NCOA7: variants seen among roughly 807,000 people sequenced by gnomAD.
The protein encoded by NCOA7 is nuclear receptor coactivator 7, also known as 140 kDa estrogen receptor-associated protein.
A neutral mutation model predicts 104.3 loss-of-function variants in NCOA7; 45 were observed. That is an observed-to-expected ratio of 0.43 (90% confidence interval 0.34 to 0.55). The LOEUF is 0.55. NCOA7 is among the 20% of genes least tolerant of loss of function. The pLI is 0.02. For missense variants in NCOA7, 1,041 were observed against 1,119.7 expected, an observed-to-expected ratio of 0.93 and a Z score of 1.00; for synonymous variants, 398 against 402.3, an observed-to-expected ratio of 0.99 and a Z score of 0.13.
chr6:125,905,852 G>A (rs1785947885), intron 10 of NCOA7, among the ~76,000 whole-genome samples: 1 of 152,146 alleles, frequency 6.6e-6, no homozygotes, highest in Non-Finnish European at 1.5e-5. Context: ...CCAGGCTGGA[G>A]TGCAGTGGCA....
intron 5 of NCOA7, among the ~76,000 whole-genome samples, chr6:125,879,440 G>A (rs1783639548): frequency 6.6e-6 from 1 of 152,066 alleles, no homozygotes; most frequent in Non-Finnish European, 1.5e-5. Flanking sequence ...CACTTTTATG[G>A]CCCACTTCTT....
chr6:125,884,872 A>G (rs1784131826), intron 7 of NCOA7, among the ~76,000 whole-genome samples: 1 of 152,210 alleles, frequency 6.6e-6, no homozygotes, highest in Non-Finnish European at 1.5e-5. Context: ...TGAGACGTGC[A>G]TGTGAGAACC....
At chr6:125,797,353 T>G (rs1192008956) in intron 1 of NCOA7, among the ~76,000 whole-genome samples, 1 of 152,214 alleles carries the variant, frequency 6.6e-6, no homozygotes, top group Non-Finnish European at 1.5e-5. Context: ...GTACCTGGCA[T>G]GAGGTAATTT....
chr6:125,921,690 C>G (rs937029558), intron 12 of NCOA7, among the ~76,000 whole-genome samples: 1 of 152,152 alleles, frequency 6.6e-6, no homozygotes, highest in South Asian at 2.1e-4. Context: ...AAAAAGGATC[C>G]AAATTTATCC....
intron 10 of NCOA7, among the ~76,000 whole-genome samples, chr6:125,896,463 C>T (rs915243980): frequency 1.3e-5 from 2 of 152,028 alleles, no homozygotes; most frequent in African/African-American, 2.4e-5. Flanking sequence ...CAATTGAGGC[C>T]GGAGAGTTTT....
intron 2 of NCOA7, among the ~76,000 whole-genome samples, chr6:125,848,593 T>A (rs902067450): frequency 3.3e-5 from 5 of 152,112 alleles, no homozygotes; most frequent in Middle Eastern, 3.4e-3. Context: ...AGGTGGGAAT[T>A]GAACGATGAG....
intron 10 of NCOA7, among the ~76,000 whole-genome samples, chr6:125,896,414 G>A (rs911161916): frequency 3.9e-5 from 6 of 152,168 alleles, no homozygotes; most frequent in African/African-American, 1.4e-4. Context: ...AGGTGAGTGA[G>A]CACTTTTTAT....
chr6:125,892,482 C>T (rs1784696112), intron 10 of NCOA7, among the ~76,000 whole-genome samples: 1 of 152,014 alleles, frequency 6.6e-6, no homozygotes, highest in South Asian at 2.1e-4. Context: ...ACCAGCCTGG[C>T]CAACATGGTG....
At chr6:125,801,954 A>G (rs1183262203) in intron 1 of NCOA7, among the ~76,000 whole-genome samples, 1 of 152,204 alleles carries the variant, frequency 6.6e-6, no homozygotes, top group Non-Finnish European at 1.5e-5. Flanking sequence ...ACCATTACGT[A>G]TAGATATACC....
At chr6:125,908,938 T>G (rs747900301) in intron 10 of NCOA7, among the ~76,000 whole-genome samples, 1 of 152,256 alleles carries the variant, frequency 6.6e-6, no homozygotes, top group Non-Finnish European at 1.5e-5. Flanking sequence ...TGTGATTGAT[T>G]CTTCATTCCC....
upstream of NCOA7, chr6:125,790,712 G>C (rs1434060146): frequency 6.6e-6 from 1 of 152,104 alleles, no homozygotes; most frequent in Non-Finnish European, 1.5e-5. Context: ...ACAGCGTCGC[G>C]CCACCCGTGA....
In NCOA7 at chr6:125,815,374, A is replaced by G. The variant is rs1777492449; in HGVS notation, c.20A>G (p.Lys7Arg). 1.2e-6 allele frequency: 2 copies of G among 1,608,878 alleles called. No individual in the cohort carries two copies. The highest frequency in any genetic ancestry group is 1.7e-6 in the Non-Finnish European group (2 of 1,177,662). ...TGTATTATGGATACCAAGGAAGAGA[A>G]GAAGGAACGGAAACAAAGTTATTTT... Reference protein sequence around the residue: MDTKEEKKERKQSYFAR... With the variant: MDTKEERKERKQSYFAR... Residue 7 changes from lysine (K) to arginine (R), a missense_variant, in exon 2 of 16, where the codon AAG becomes AGG. Coordinates refer to ENST00000392477, the MANE Select transcript of NCOA7 (RefSeq NM_181782.5).
chr6:125,927,195 A>G (rs1425950786), intron 13 of NCOA7, among the ~76,000 whole-genome samples: 1 of 152,216 alleles, frequency 6.6e-6, no homozygotes, highest in African/African-American at 2.4e-5. Context: ...AAAAGAAAGG[A>G]AAGTTTATTT....
At chr6:125,905,707 G>A (rs1357144148) in intron 10 of NCOA7, among the ~76,000 whole-genome samples, 2 of 152,200 alleles carry the variant, frequency 1.3e-5, no homozygotes, top group South Asian at 2.1e-4. Flanking sequence ...CAGCCCAGTT[G>A]TCAACAATAC....
chr6:125,902,576 T>G (rs1243928616), intron 10 of NCOA7, among the ~76,000 whole-genome samples: 1 of 152,150 alleles, frequency 6.6e-6, no homozygotes, highest in Admixed American at 6.5e-5. Flanking sequence ...AACTAGATTG[T>G]AATTTTACCT....
At chr6:125,855,718 C>G (rs543503169) in intron 3 of NCOA7, 1 of 152,988 alleles carries the variant, frequency 6.5e-6, no homozygotes, top group South Asian at 2.1e-4. Flanking sequence ...GAGTCTTGCT[C>G]TGTCCCCTAG....
intron 10 of NCOA7, among the ~76,000 whole-genome samples, chr6:125,902,119 A>G (rs1785559192): frequency 6.6e-6 from 1 of 152,058 alleles, no homozygotes; most frequent in South Asian, 2.1e-4. Flanking sequence ...TTGGGGGGAA[A>G]AACGGGGATG....
At chr6:125,917,322 AC>A (rs990270878) in intron 11 of NCOA7, among the ~76,000 whole-genome samples, 1 of 151,864 alleles carries the variant, frequency 6.6e-6, no homozygotes, top group Non-Finnish European at 1.5e-5. Flanking sequence ...TGCTCCTCCT[AC>A]CTTTTCTGTC....
chr6:125,792,868 T>C (rs1774989294), intron 1 of NCOA7, among the ~76,000 whole-genome samples: 1 of 152,370 alleles, frequency 6.6e-6, no homozygotes, highest in South Asian at 2.1e-4. Flanking sequence ...TTTCATCTTT[T>C]TTCCATCACA....
Sources: allele counts gnomAD v4.1 joint callset (sites outside exome capture counted in the v4.1 genomes callset), GRCh38; gene constraint gnomAD v4.1.1; transcripts MANE v1.5; gene names NCBI Gene and HGNC (gene_info 2026-07-23, HGNC 2026-07-21).